Variants in FSHR observed in about 807,000 individuals in gnomAD.
FSHR encodes the protein follicle stimulating hormone receptor, also known as follicle-stimulating hormone receptor.
A neutral mutation model predicts 52.1 loss-of-function variants in FSHR; 46 were observed. The ratio of observed to expected loss-of-function variants is 0.88; its 90% CI spans 0.70 to 1.13. The LOEUF (loss-of-function observed/expected upper bound fraction) is 1.13. Among genes scored for constraint, FSHR ranks in the 50% most tolerant of loss-of-function variants. The probability of loss-of-function intolerance (pLI) is 0.00; values close to 1 mark genes in which losing one functional copy is unlikely to be tolerated. For synonymous variants in FSHR, 399 were observed against 309.6 expected (o/e 1.29, Z -3.03); for missense variants, 964 against 834.6 (o/e 1.16, Z -1.91).
chr2:49,043,809 C>T (rs945426255), intron 2 of FSHR, among the ~76,000 whole-genome samples: 23 of 152,174 alleles, frequency 1.5e-4, no homozygotes, highest in African/African-American at 5.3e-4. Context: ...GAGCCTGCAA[C>T]CTCTTTGAGA....
intron 1 of FSHR, among the ~76,000 whole-genome samples, chr2:49,102,345 A>C (rs1671059848): frequency 6.6e-6 from 1 of 152,154 alleles, no homozygotes; most frequent in African/African-American, 2.4e-5. Flanking sequence ...CTGATGAGAC[A>C]ATAAAGCAGA....
At chr2:49,032,818 A>G (rs780865561) in intron 2 of FSHR, among the ~76,000 whole-genome samples, 4 of 152,074 alleles carry the variant, frequency 2.6e-5, no homozygotes, top group Admixed American at 6.5e-5. Flanking sequence ...CCTATCCCCA[A>G]TTTTCAGCTG....
intron 8 of FSHR, among the ~76,000 whole-genome samples, chr2:48,979,288 A>G (rs1018589360): frequency 6.6e-6 from 1 of 152,090 alleles, no homozygotes; most frequent in African/African-American, 2.4e-5. Context: ...CTGCAACAAA[A>G]AAAATGGCCA....
At chr2:48,974,913 TA>T (rs974758705) in intron 8 of FSHR, among the ~76,000 whole-genome samples, 8 of 152,292 alleles carry the variant, frequency 5.3e-5, no homozygotes, top group African/African-American at 1.9e-4. Context: ...CTGCATGGCC[TA>T]AAAATCAGAT....
intron 1 of FSHR, among the ~76,000 whole-genome samples, chr2:49,139,598 ATTT>A (rs35872152): frequency 2.2e-5 from 3 of 139,214 alleles, no homozygotes; most frequent in African/African-American, 2.7e-5. Context: ...ACTTCCAAGA[ATTT>A]TTTTTTTTTT....
chr2:49,027,339 C>T (rs1268511229), intron 2 of FSHR, among the ~76,000 whole-genome samples: 1 of 152,054 alleles, frequency 6.6e-6, no homozygotes, highest in Admixed American at 6.6e-5. Context: ...TAAAGTGTAC[C>T]AATTATTTAC....
intron 1 of FSHR, among the ~76,000 whole-genome samples, chr2:49,108,835 A>G (rs888508729): frequency 3.9e-5 from 6 of 152,118 alleles, no homozygotes; most frequent in Non-Finnish European, 8.8e-5. Flanking sequence ...AAAGTTTTAG[A>G]TATCTAATTA....
intron 4 of FSHR, among the ~76,000 whole-genome samples, chr2:49,010,976 C>T (rs1259227559): frequency 6.6e-6 from 1 of 151,546 alleles, no homozygotes; most frequent in Non-Finnish European, 1.5e-5. Context: ...TTTCAAAAAA[C>T]CAGCTCCTGG....
intron 6 of FSHR, among the ~76,000 whole-genome samples, chr2:48,984,415 T>G (rs1179708477): frequency 6.6e-6 from 1 of 152,200 alleles, no homozygotes; most frequent in Non-Finnish European, 1.5e-5. Context: ...CCCTGGGGAT[T>G]TGAATCAAAT....
chr2:49,151,084 G>A (rs981489083), intron 1 of FSHR, among the ~76,000 whole-genome samples: 7 of 150,862 alleles, frequency 4.6e-5, no homozygotes, highest in African/African-American at 1.7e-4. Context: ...GTGAGTAGTT[G>A]CAAGAAGTGG....
At chr2:49,121,673 T>C (rs961354379) in intron 1 of FSHR, among the ~76,000 whole-genome samples, 4 of 152,210 alleles carry the variant, frequency 2.6e-5, no homozygotes, top group Non-Finnish European at 5.9e-5. Context: ...GGTGCTTATA[T>C]AGACAGCAGC....
chr2:49,006,868 CT>C (rs1448368320), intron 4 of FSHR, among the ~76,000 whole-genome samples: 1 of 152,142 alleles, frequency 6.6e-6, no homozygotes, highest in African/African-American at 2.4e-5. Context: ...CGACTCTCTA[CT>C]TTTACTACTT....
At chr2:49,057,434 C>A (rs1010073913) in intron 2 of FSHR, among the ~76,000 whole-genome samples, 1 of 151,714 alleles carries the variant, frequency 6.6e-6, no homozygotes, top group Non-Finnish European at 1.5e-5. Flanking sequence ...ATTTGAAAAC[C>A]TGGATAAAGT....
rs887542767 is a variant in FSHR at position 48,963,893 on chromosome 2, G to C, written c.928C>G (p.Gln310Glu). The change falls in exon 10 of 10, where the codon CAG (glutamine) becomes GAG (glutamate). Residue 310 changes from glutamine to glutamate, a missense_variant. Gln to Glu is a conservative substitution (Grantham distance 29, BLOSUM62 2). Coordinates refer to ENST00000406846, the MANE Select transcript of FSHR (RefSeq NM_000145.4). Reference sequence around the variant, plus strand: ...TTGTCTTCTGCCAGAGAGGATCTCTGACCCCTAGCCTGAGTCATATAATCA... The same window carrying C: ...TTGTCTTCTGCCAGAGAGGATCTCTCACCCCTAGCCTGAGTCATATAATCA... The part of the protein sequence containing the change: ...EVDYMTQARG[Q>E]RSSLAEDNES... The C allele has an allele frequency of 3.7e-6, 6 of 1,613,836 alleles. No individual in the cohort carries two copies. The highest frequency in any genetic ancestry group is 5.1e-6 in the Non-Finnish European group (6 of 1,179,892).
At chr2:49,083,584 T>C (rs1417530533) in intron 1 of FSHR, among the ~76,000 whole-genome samples, 2 of 148,232 alleles carry the variant, frequency 1.3e-5, no homozygotes, top group Non-Finnish European at 3.0e-5. Context: ...ATCAGTGTGC[T>C]GTATTCAGGA....
chr2:49,049,978 C>T (rs1668796812), intron 2 of FSHR, among the ~76,000 whole-genome samples: 1 of 151,936 alleles, frequency 6.6e-6, no homozygotes, highest in African/African-American at 2.4e-5. Context: ...TAAGGACACA[C>T]CTAGCAAGTT....
At chr2:49,013,983 C>T (rs147702601) in intron 4 of FSHR, among the ~76,000 whole-genome samples, 20 of 152,022 alleles carry the variant, frequency 1.3e-4, no homozygotes, top group African/African-American at 4.8e-4. Context: ...TGTGCATATA[C>T]ATTGTAAGGA....
intron 1 of FSHR, among the ~76,000 whole-genome samples, chr2:49,084,036 A>G (rs563419822): frequency 0.039 from 5,826 of 151,070 alleles, 163 homozygotes; most frequent in Middle Eastern, 0.059. Context: ...AATCAACAGA[A>G]TATACATTTT....
Position 49,135,635 on chromosome 2 carries a change from G to T in FSHR, c.152+18631C>A, listed in dbSNP as rs1322945060. On this transcript the variant is annotated intron_variant, in intron 1 of 9. Transcript: ENST00000406846. ...GTAGTTGACCCTTGAACAATGTGGA[G>T]GTTAGGTTTACCAACCCCCATGCAA... Among the ~76,000 whole-genome samples, 4 of 152,074 alleles carry T rather than the reference G, an allele frequency of 2.6e-5. No individual in the cohort carries two copies. The East Asian group carries it at 7.7e-4, about 29-fold the overall frequency.
Sources: allele counts gnomAD v4.1 joint callset (sites outside exome capture counted in the v4.1 genomes callset), GRCh38; gene constraint gnomAD v4.1.1; transcripts MANE v1.5; gene names NCBI Gene and HGNC (gene_info 2026-07-23, HGNC 2026-07-21).